Variants in ZBBX observed in about 807,000 individuals in gnomAD.
ZBBX encodes zinc finger B-box domain-containing protein 1.
A neutral mutation model predicts 108.5 loss-of-function variants in ZBBX; 101 were observed. The observed-to-expected ratio is 0.93, with a 90% CI of 0.79 to 1.10. ZBBX has a LOEUF of 1.10. Among genes scored for constraint, ZBBX ranks in the 50% least tolerant of loss-of-function variants. ZBBX has a pLI of 0.00. For synonymous variants in ZBBX, 356 were observed against 323.4 expected (o/e 1.10, Z -1.08); for missense variants, 1,009 against 941.4 (o/e 1.07, Z -0.94).
intron 9 of ZBBX, among the ~76,000 whole-genome samples, chr3:167,346,135 C>T (rs1407001840): frequency 6.6e-6 from 1 of 151,762 alleles, no homozygotes; most frequent in Admixed American, 6.6e-5. Context: ...CCTCATTTCT[C>T]ATCTGAAAAT....
chr3:167,224,332 G>T, the ZBBX span, among the ~76,000 whole-genome samples: 1 of 151,838 alleles, frequency 6.6e-6, no homozygotes, highest in Non-Finnish European at 1.5e-5. Flanking sequence ...CAGAGATGCT[G>T]ATCAAGGGAT....
At chr3:167,225,339 T>C in the ZBBX span, among the ~76,000 whole-genome samples, 1 of 151,866 alleles carries the variant, frequency 6.6e-6, no homozygotes. Context: ...AAGAAAATAG[T>C]GTATCTTGTC....
At chr3:167,340,394 C>A (rs1281378691) in intron 9 of ZBBX, among the ~76,000 whole-genome samples, 1 of 151,938 alleles carries the variant, frequency 6.6e-6, no homozygotes, top group East Asian at 1.9e-4. Flanking sequence ...GTAAAAATAT[C>A]TTTGCAAAAT....
chr3:167,252,597 A>G (rs1005019834), intron 20 of ZBBX, among the ~76,000 whole-genome samples: 110 of 151,804 alleles, frequency 7.2e-4, no homozygotes, highest in African/African-American at 2.5e-3. Flanking sequence ...CAGAAAAAAA[A>G]AAAAAAATCC....
At chr3:167,343,464 T>C (rs950842676) in intron 9 of ZBBX, among the ~76,000 whole-genome samples, 4 of 151,824 alleles carry the variant, frequency 2.6e-5, no homozygotes, top group Non-Finnish European at 5.9e-5. Context: ...TATTTCCCCT[T>C]CCCTAGCTTT....
chr3:167,330,963 C>CTCTCTCTCTCTCTCTCTCTCTT (rs1232102747), intron 10 of ZBBX, among the ~76,000 whole-genome samples: 1 of 148,124 alleles, frequency 6.8e-6, no homozygotes, highest in Non-Finnish European at 1.5e-5. Context: ...CTCTCTCTCT[C>CTCTCTCTCTCTCTCTCTCTCTT]TCCCCCACTC....
chr3:167,278,913 G>C (rs1393667427), intron 20 of ZBBX, among the ~76,000 whole-genome samples: 2 of 152,002 alleles, frequency 1.3e-5, no homozygotes, highest in Non-Finnish European at 2.9e-5. Context: ...TGATCAAGTG[G>C]GCTTCATCCC....
At chr3:167,246,688 C>A (rs1195274920) in intron 20 of ZBBX, among the ~76,000 whole-genome samples, 2 of 152,174 alleles carry the variant, frequency 1.3e-5, no homozygotes, top group African/African-American at 2.4e-5. Context: ...CTTTAAAGTG[C>A]ATTATTACTA....
chr3:167,198,890 T>C, the ZBBX span, among the ~76,000 whole-genome samples: 2 of 152,160 alleles, frequency 1.3e-5, no homozygotes, highest in Admixed American at 1.3e-4. Flanking sequence ...GTAAAGGTTA[T>C]TTGGTAAGAG....
rs757383008 is a variant in ZBBX, at chr3:167,240,801, T to G, written c.2512A>C (p.Ser838Arg). Residue 838 changes from serine to arginine, a missense_variant, in exon 22 of 22, where the codon AGT (serine) becomes CGT (arginine). Physicochemically the swap from Ser to Arg is moderately radical, Grantham distance 110. Coordinates refer to ENST00000675490, the MANE Select transcript of ZBBX (RefSeq NM_001199201.2). ...QHVITLPWSK[S>R]T ...TAATGAACAAATAATCTTTAAGTACTCTTTGACCACGGTAGTGTGATGACA... is the reference window on the plus strand; with the variant it reads ...TAATGAACAAATAATCTTTAAGTACGCTTTGACCACGGTAGTGTGATGACA... 2.5e-6 allele frequency: 4 copies of G among 1,613,062 alleles called. No homozygotes were observed. The Admixed American group carries it at 6.7e-5, about 27-fold the overall frequency.
rs778455879 is a variant in ZBBX at position 167,282,243 on chromosome 3, A to G, written c.2249T>C (p.Leu750Pro). Residue 750 changes from leucine (L) to proline (P), a missense_variant, in exon 20 of 22, where the codon CTT becomes CCT. Transcript: ENST00000675490. ...GAAAAAAAAAATAGGATTACCTGCAAGAGATCTCAGCACTTGTAATTCTTT... is the reference window on the plus strand; with the variant it reads ...GAAAAAAAAAATAGGATTACCTGCAGGAGATCTCAGCACTTGTAATTCTTT... ...LEKELQVLRSLADTSEKLYSL... is the reference protein window; with the variant it reads ...LEKELQVLRSPADTSEKLYSL... The G allele has an allele frequency of 6.2e-7, 1 of 1,607,778 alleles. No individual in the cohort carries two copies. The highest frequency in any genetic ancestry group is 8.5e-7 in the Non-Finnish European group (1 of 1,177,534).
At chr3:167,277,544 G>A (rs947515615) in intron 20 of ZBBX, among the ~76,000 whole-genome samples, 2 of 152,108 alleles carry the variant, frequency 1.3e-5, no homozygotes, top group African/African-American at 4.8e-5. Context: ...AACAAGAAGA[G>A]CTAACTATCC....
the ZBBX span, among the ~76,000 whole-genome samples, chr3:167,208,863 A>G: frequency 6.6e-6 from 1 of 152,082 alleles, no homozygotes; most frequent in Non-Finnish European, 1.5e-5. Flanking sequence ...CAGGTACTTG[A>G]GATCCCTGAT....
At chr3:167,305,497 G>A in intron 17 of ZBBX, 146 bp downstream of exon 17, 1 of 567,394 alleles carries the variant, frequency 1.8e-6, no homozygotes, top group Non-Finnish European at 2.7e-6. Context: ...TCCCGTATGA[G>A]TCACTCTTCA....
At chr3:167,312,682 G>T (rs1283084075) in intron 16 of ZBBX, among the ~76,000 whole-genome samples, 2 of 152,144 alleles carry the variant, frequency 1.3e-5, no homozygotes, top group African/African-American at 4.8e-5. Context: ...AGAGGCAACA[G>T]GAACATCAGG....
At chr3:167,238,326 G>C (rs767865811), downstream of ZBBX, among the ~76,000 whole-genome samples, 1 of 152,014 alleles carries the variant, frequency 6.6e-6, no homozygotes, top group African/African-American at 2.4e-5. Context: ...AGTAATAATT[G>C]TGGAGGAGTC....
intron 10 of ZBBX, among the ~76,000 whole-genome samples, chr3:167,331,106 C>T (rs897406543): frequency 1.3e-5 from 2 of 151,972 alleles, no homozygotes; most frequent in Non-Finnish European, 2.9e-5. Flanking sequence ...GACTTCTAGA[C>T]TACAGAACAG....
chr3:167,190,868 C>T, the ZBBX span, among the ~76,000 whole-genome samples: 16 of 152,192 alleles, frequency 1.1e-4, no homozygotes, highest in African/African-American at 1.9e-4. Flanking sequence ...AATATCTTGG[C>T]GCAAAAAGAC....
chr3:167,214,670 G>A, the ZBBX span, among the ~76,000 whole-genome samples: 13 of 151,998 alleles, frequency 8.6e-5, no homozygotes, highest in African/African-American at 3.1e-4. Context: ...CTCTCCACAC[G>A]AAATAACAGA....
Sources: allele counts gnomAD v4.1 joint callset (sites outside exome capture counted in the v4.1 genomes callset), GRCh38; gene constraint gnomAD v4.1.1; transcripts MANE v1.5; gene names NCBI Gene and HGNC (gene_info 2026-07-23, HGNC 2026-07-21).